GABRA2: variants seen among roughly 807,000 people sequenced by gnomAD.
GABRA2 encodes gamma-aminobutyric acid type A receptor subunit alpha2.
GABRA2 carries 16 observed loss-of-function variants against 48.7 expected under a neutral mutation model. The observed-to-expected ratio is 0.33, with a 90% CI of 0.22 to 0.50. GABRA2 has a LOEUF of 0.50. Ranked by LOEUF, GABRA2 falls within the 20% of genes least tolerant of loss-of-function variation. The probability of loss-of-function intolerance (pLI) is 0.98; values close to 1 mark genes in which losing one functional copy is unlikely to be tolerated. For synonymous variants in GABRA2, 185 were observed against 184.5 expected (o/e 1.00, Z -0.02); for missense variants, 275 against 535.6 (o/e 0.51, Z 4.80).
intron 9 of GABRA2, among the ~76,000 whole-genome samples, chr4:46,254,667 G>A (rs963839910): frequency 6.6e-6 from 1 of 151,468 alleles, no homozygotes; most frequent in East Asian, 2.0e-4. Context: ...CAGGCAAACT[G>A]ACACTATTTT....
At chr4:46,325,506 T>C (rs1437096378) in intron 4 of GABRA2, among the ~76,000 whole-genome samples, 2 of 152,066 alleles carry the variant, frequency 1.3e-5, no homozygotes, top group Non-Finnish European at 2.9e-5. Flanking sequence ...TCAAAAATAA[T>C]TTCTCCTATT....
rs553807125 is a variant in GABRA2 at position 46,260,179 on chromosome 4, T to C, written c.1059+1747A>G. 1.7e-3 allele frequency among the ~76,000 whole-genome samples: 260 copies of C among 152,040 alleles called. 1 individual carries two copies. The highest frequency in any genetic ancestry group is 0.01 in the Middle Eastern group (3 of 294). On this transcript the variant is annotated intron_variant, in intron 9 of 9. Coordinates refer to ENST00000381620, the MANE Select transcript of GABRA2 (RefSeq NM_000807.4). ...AAGGACCAGGCACTGTGCTGGACAC[T>C]CTAGCTGTGGAAAAGGAAATGAGAA...
intron 4 of GABRA2, among the ~76,000 whole-genome samples, chr4:46,321,088 A>G (rs1431257713): frequency 6.6e-6 from 1 of 151,966 alleles, no homozygotes; most frequent in Non-Finnish European, 1.5e-5. Context: ...ATAGATAAAC[A>G]TGGAGGGCAT....
Position 46,252,371 on chromosome 4 carries a change from T to C in GABRA2, c.1060-1767A>G, listed in dbSNP as rs1162074614. On this transcript the variant is annotated intron_variant, in intron 9 of 9. Transcript: ENST00000381620. ...AAGTGAAAAACTGATAAGGAAATTA[T>C]AGCGAACACTTTTTGAGCACTAGAA... Among the ~76,000 whole-genome samples, 5 of 151,634 alleles carry C rather than the reference T, an allele frequency of 3.3e-5. No homozygotes were observed. In the South Asian group the frequency reaches 8.3e-4, roughly 25 times the overall value.
intron 3 of GABRA2, among the ~76,000 whole-genome samples, chr4:46,383,730 GTGT>G (rs542612140): frequency 7.9e-4 from 120 of 152,314 alleles, no homozygotes; most frequent in Non-Finnish European, 1.5e-3. Flanking sequence ...AAAAGAACTG[GTGT>G]TAAGATGATT....
intron 3 of GABRA2, among the ~76,000 whole-genome samples, chr4:46,333,031 G>A (rs981651622): frequency 4.0e-5 from 6 of 151,872 alleles, no homozygotes; most frequent in African/African-American, 1.5e-4. Flanking sequence ...AATAAACCAT[G>A]GTATTGTTTG....
At chr4:46,352,956 A>G (rs1388020469) in intron 3 of GABRA2, among the ~76,000 whole-genome samples, 3 of 152,102 alleles carry the variant, frequency 2.0e-5, no homozygotes, top group South Asian at 4.1e-4. Context: ...GTTTTCTCTC[A>G]GCAGTAGAGT....
chr4:46,352,036 T>C (rs545782701), intron 3 of GABRA2, among the ~76,000 whole-genome samples: 24 of 152,082 alleles, frequency 1.6e-4, no homozygotes, highest in African/African-American at 5.8e-4. Flanking sequence ...TTTAAGCTGC[T>C]GTTTCAGCTC....
intron 8 of GABRA2, among the ~76,000 whole-genome samples, chr4:46,283,196 G>T (rs527237066): frequency 6.6e-6 from 1 of 152,230 alleles, no homozygotes; most frequent in Non-Finnish European, 1.5e-5. Context: ...ACCACACTAG[G>T]CTAATGACAC....
intron 9 of GABRA2, among the ~76,000 whole-genome samples, chr4:46,260,294 T>C (rs1422584721): frequency 1.3e-5 from 2 of 151,816 alleles, no homozygotes; most frequent in Non-Finnish European, 2.9e-5. Flanking sequence ...GAAAATTAGG[T>C]TGGAACCTCA....
Position 46,246,662 on chromosome 4 carries a change from C to T in GABRA2, c.*3646G>A, listed in dbSNP as rs764033956. ...ATTTGGTCATTGCTTCAAAAACATG[C>T]AGATGAATGTCAGTGTGCCAGGAGA... On this transcript the variant is annotated 3_prime_UTR_variant, in exon 10 of 10. Transcript: ENST00000381620. Among the ~76,000 whole-genome samples, 2 of 151,218 alleles carry T rather than the reference C, an allele frequency of 1.3e-5. No homozygotes were observed. The highest frequency in any genetic ancestry group is 2.4e-5 in the African/African-American group (1 of 41,332).
At position 46,250,539 on chromosome 4, in the gene GABRA2, G is replaced by A; in HGVS notation, c.1125C>T (p.Ala375=). 6.2e-7 allele frequency: 1 copy of A among 1,611,436 alleles called. No individual in the cohort carries two copies. The highest frequency in any genetic ancestry group is 8.5e-7 in the Non-Finnish European group (1 of 1,178,390). Residue 375 remains alanine (A), a synonymous_variant, in exon 10 of 10, where the codon GCC becomes GCT. Coordinates refer to ENST00000381620, the MANE Select transcript of GABRA2 (RefSeq NM_000807.4). The part of the protein sequence containing the change: ...NAYAVAVANY[A]PNLSKDPVLS... ...GAACTGGATCTTTTGAAAGATTCGG[G>A]GCATAATTGGCAACAGCCACTGCAT...
At chr4:46,356,170 T>G (rs1735928197) in intron 3 of GABRA2, among the ~76,000 whole-genome samples, 1 of 152,184 alleles carries the variant, frequency 6.6e-6, no homozygotes, top group Non-Finnish European at 1.5e-5. Context: ...CCCATTGTGC[T>G]CCTCAGAAAA....
At chr4:46,309,133 G>T (rs1447830750) in intron 6 of GABRA2, among the ~76,000 whole-genome samples, 1 of 152,060 alleles carries the variant, frequency 6.6e-6, no homozygotes, top group African/African-American at 2.4e-5. Flanking sequence ...ATAAAGAGAA[G>T]ATTCTCAAAG....
At chr4:46,384,482 A>T (rs1036356297) in intron 3 of GABRA2, among the ~76,000 whole-genome samples, 4 of 152,220 alleles carry the variant, frequency 2.6e-5, no homozygotes, top group Admixed American at 2.6e-4. Flanking sequence ...ATGGCAATAC[A>T]TAAGTCCTCA....
intron 6 of GABRA2, among the ~76,000 whole-genome samples, chr4:46,307,933 C>T (rs1726986748): frequency 6.6e-6 from 1 of 152,078 alleles, no homozygotes; most frequent in Non-Finnish European, 1.5e-5. Context: ...GCCGAGAGGT[C>T]ATAATAATGT....
intron 8 of GABRA2, among the ~76,000 whole-genome samples, chr4:46,275,867 A>T (rs1482868023): frequency 6.6e-6 from 1 of 152,154 alleles, no homozygotes; most frequent in Non-Finnish European, 1.5e-5. Context: ...TTCTTGAAAT[A>T]CAAAAACCTA....
chr4:46,384,601 G>A (rs908978637), intron 3 of GABRA2, among the ~76,000 whole-genome samples: 1 of 152,104 alleles, frequency 6.6e-6, no homozygotes, highest in Non-Finnish European at 1.5e-5. Context: ...AAATTTGACA[G>A]CAGGTGATTT....
chr4:46,303,221 A>T (rs908154688), intron 8 of GABRA2: 5 of 483,892 alleles, frequency 1.0e-5, no homozygotes, highest in African/African-American at 4.0e-5. Context: ...GTATGATTTA[A>T]CAGAAAGAAG....
Sources: gnomAD v4.1 joint callset for allele counts (sites outside exome capture counted in the v4.1 genomes callset) on GRCh38, gnomAD v4.1.1 for gene constraint, MANE v1.5 for transcripts, NCBI Gene and HGNC (gene_info 2026-07-23, HGNC 2026-07-21) for gene names.